Variants in GCDH observed in about 807,000 individuals in gnomAD.
GCDH encodes glutaryl-CoA dehydrogenase, also known as glutaryl-CoA dehydrogenase, mitochondrial.
A neutral mutation model predicts 52.8 loss-of-function variants in GCDH; 31 were observed. That is an observed-to-expected ratio of 0.59 (90% CI 0.44 to 0.79). The LOEUF is 0.79. GCDH is among the 30% of genes least tolerant of loss of function. GCDH has a pLI of 0.00. For missense variants in GCDH, 509 were observed against 595.0 expected, an observed-to-expected ratio of 0.86 and a Z score of 1.50; for synonymous variants, 242 against 250.0, an observed-to-expected ratio of 0.97 and a Z score of 0.30.
chr19:12,897,956 C>T (rs1390305081), intron 11 of GCDH, 93 bp downstream of exon 11: 10 of 1,050,668 alleles, frequency 9.5e-6, no homozygotes, highest in Middle Eastern at 2.4e-4. Flanking sequence ...AGTCCAACTC[C>T]ACCTATCACT....
intron 6 of GCDH, among the ~76,000 whole-genome samples, chr19:12,895,705 G>C (rs547871344): frequency 6.6e-6 from 1 of 151,500 alleles, no homozygotes; most frequent in African/African-American, 2.4e-5. Flanking sequence ...TCTCCTGCCC[G>C]GGTTCAAGCG....
At chr19:12,897,171 A>G (rs905869770) in intron 9 of GCDH, 132 bp from the exon 10 acceptor site, 1 of 1,305,332 alleles carries the variant, frequency 7.7e-7, no homozygotes, top group African/African-American at 1.5e-5. Flanking sequence ...GGCTGAGTCA[A>G]CGGCAGGGCC....
Position 12,899,698 on chromosome 19 carries a change from A to G in GCDH, c.*157A>G. On this transcript the variant is annotated 3_prime_UTR_variant, in exon 12 of 12. Coordinates refer to ENST00000222214, the MANE Select transcript of GCDH (RefSeq NM_000159.4). ...TTAAATATCAAAATTTCCCTTCTGA[A>G]GTCGTTCAGATGTGTTCCTTAAAAA... 6.2e-7 allele frequency: 1 copy of G among 1,612,534 alleles called. No individual in the cohort carries two copies. Among genetic ancestry groups the G allele is most frequent in the Non-Finnish European group, 8.5e-7 (1 of 1,179,412 alleles).
intron 9 of GCDH, 52 bp from the exon 10 acceptor site, chr19:12,897,251 G>T: frequency 6.2e-7 from 1 of 1,611,308 alleles, no homozygotes; most frequent in Non-Finnish European, 8.5e-7. Flanking sequence ...GGACAGGGAC[G>T]GGGTGGGAGA....
intron 5 of GCDH, 74 bp from the exon 6 acceptor site, chr19:12,893,409 G>C: frequency 7.5e-7 from 1 of 1,331,544 alleles, no homozygotes; most frequent in Non-Finnish European, 1.1e-6. Flanking sequence ...TCCTTATTCA[G>C]CCCTGTCTCT....
intron 11 of GCDH, chr19:12,899,188 TG>T: frequency 2.9e-6 from 2 of 690,582 alleles, no homozygotes; most frequent in South Asian, 3.6e-5. Flanking sequence ...TGCTACATTT[TG>T]GGAGTTCAGC....
In GCDH at chr19:12,899,507, T is replaced by C. The variant is rs1277384196; in HGVS notation, c.1283T>C (p.Ile428Thr). 6.2e-7 allele frequency: 1 copy of C among 1,614,242 alleles called. No individual in the cohort carries two copies. ...CACGCCCTGATCCTTGGGAGAGCTA[T>C]CACGGGAATCCAGGCGTTCACGGCC... ...DIHALILGRA[I>T]TGIQAFTASK The change falls in exon 12 of 12, where the codon ATC becomes ACC. Residue 428 changes from isoleucine (I) to threonine (T), a missense_variant. Coordinates refer to ENST00000222214, the MANE Select transcript of GCDH (RefSeq NM_000159.4).
At position 12,892,167 on chromosome 19, in the gene GCDH, C is replaced by A; in HGVS notation, c.323C>A (p.Pro108His). 6.2e-7 allele frequency: 1 copy of A among 1,613,946 alleles called. No individual in the cohort carries two copies. The highest frequency in any genetic ancestry group is 1.3e-5 in the African/African-American group (1 of 75,028). The change falls in exon 5 of 12, where the codon CCC becomes CAC. Residue 108 changes from proline (P) to histidine (H), a missense_variant. Pro to His is a moderately conservative substitution (Grantham distance 77). Coordinates refer to ENST00000222214, the MANE Select transcript of GCDH (RefSeq NM_000159.4). ...SEMGELGVLG[P>H]TIKGYGCAGV... ...ATGGGGGAGTTGGGTGTGCTGGGCC[C>A]CACCATCAAAGGTAGGAACAAGTAT... is the stretch of plus-strand genomic sequence containing the variant.
intron 3 of GCDH, 108 bp from the exon 4 acceptor site, chr19:12,891,723 C>T (rs936598138): frequency 1.9e-6 from 3 of 1,606,096 alleles, no homozygotes; most frequent in African/African-American, 1.3e-5. Flanking sequence ...TTGCAGCTCG[C>T]ACTAGCCGGG....
chr19:12,897,437 T>G lies in GCDH; in HGVS notation c.1082+9T>G. 1 of 1,609,712 alleles carries G rather than the reference T, an allele frequency of 6.2e-7. No individual in the cohort carries two copies. The highest frequency in any genetic ancestry group is 8.5e-7 in the Non-Finnish European group (1 of 1,177,160). ...TTGAAGGACCAGGACAAGTAGGGGC[T>G]GTGTGGTGGGGGCGGGGGGATGGCA... On this transcript the variant is annotated intron_variant, in intron 10 of 11. Coordinates refer to ENST00000222214, the MANE Select transcript of GCDH (RefSeq NM_000159.4).
Position 12,896,226 on chromosome 19 carries a change from C to T in GCDH, c.657C>T (p.Ala219=), listed in dbSNP as rs757621195. ...CCAGGATCACGAACTCGCCTATGGC[C>T]GATCTGTTTGTAGTGTGGGCTCGGT... The part of the protein sequence containing the change: ...TKTWITNSPM[A]DLFVVWARCE... Residue 219 remains alanine (A), a synonymous_variant, in exon 8 of 12, where the codon GCC becomes GCT. Transcript: ENST00000222214. This position sits in a 1 kb window ranked among gnomAD's most constrained non-coding sequence, Gnocchi z 5.5. The T allele has an allele frequency of 1.5e-5, 24 of 1,613,970 alleles. No homozygotes were observed. The highest frequency in any genetic ancestry group is 2.2e-5 in the East Asian group (1 of 44,882).
rs1375635890 is a variant in GCDH, at chr19:12,896,637, G to T, written c.852+216G>T. 6.6e-6 allele frequency among the ~76,000 whole-genome samples: 1 copy of T among 152,222 alleles called. No homozygotes were observed. Among genetic ancestry groups the T allele is most frequent in the South Asian group, 2.1e-4 (1 of 4,834 alleles). Reference sequence around the variant, plus strand: ...GCCCGGGACACATGGGCCTGAACCAGCTCAGTCATTTGACTCACAGTGCAT... The same window carrying T: ...GCCCGGGACACATGGGCCTGAACCATCTCAGTCATTTGACTCACAGTGCAT... On this transcript the variant is annotated intron_variant, in intron 8 of 11. Transcript: ENST00000222214. The surrounding 1 kb of genome is among the most constrained non-coding windows in gnomAD (Gnocchi z 5.5).
intron 10 of GCDH, 60 bp from the exon 11 acceptor site, chr19:12,897,643 G>C: frequency 6.2e-7 from 1 of 1,600,746 alleles, no homozygotes; most frequent in South Asian, 1.1e-5. Context: ...GGCTAGGTTT[G>C]CTTGGAGCAT....
At chr19:12,892,270 C>T (rs771306677) in intron 5 of GCDH, 92 bp downstream of exon 5, 2 of 1,097,878 alleles carry the variant, frequency 1.8e-6, no homozygotes, top group Non-Finnish European at 2.8e-6. Flanking sequence ...CCTTCCTTCT[C>T]TTTCTTTTCT....
intron 5 of GCDH, among the ~76,000 whole-genome samples, chr19:12,892,926 G>A (rs1970593729): frequency 6.9e-6 from 1 of 144,320 alleles, no homozygotes; most frequent in South Asian, 2.2e-4. Flanking sequence ...CACCCAGCCT[G>A]GATTACTGGA....
At chr19:12,895,930 T>A (rs1363466636) in intron 6 of GCDH, 62 bp from the exon 7 acceptor site, 1 of 1,605,982 alleles carries the variant, frequency 6.2e-7, no homozygotes, top group African/African-American at 1.3e-5. Flanking sequence ...ACGAGGATAA[T>A]TTTTGAGTAA....
At chr19:12,899,349 C>CA (rs771517320) in intron 11 of GCDH, 119 bp from the exon 12 acceptor site, 1 of 1,613,980 alleles carries the variant, frequency 6.2e-7, no homozygotes, top group East Asian at 2.2e-5. Context: ...TGTCAGCATT[C>CA]ACCATCTCTG....
chr19:12,891,514 T>C lies in GCDH; in HGVS notation c.119T>C (p.Leu40Pro), dbSNP rs1210569585. ...AAAGGCGGGAGAACACAGAGCCAAC[T>C]GGCTAAGTGTAAGGACCTCTGGTCG... ...TEKGGRTQSQ[L>P]AKSSRPEFDW... The change falls in exon 3 of 12, where the codon CTG (leucine) becomes CCG (proline). Residue 40 changes from leucine (L) to proline (P), a missense_variant. Coordinates refer to ENST00000222214, the MANE Select transcript of GCDH (RefSeq NM_000159.4). The C allele has an allele frequency of 6.2e-7, 1 of 1,614,216 alleles. No homozygotes were observed. Among genetic ancestry groups the C allele is most frequent in the Admixed American group, 1.7e-5 (1 of 60,026 alleles).
intron 6 of GCDH, chr19:12,894,329 G>T (rs1273936259): frequency 5.1e-6 from 4 of 782,816 alleles, no homozygotes; most frequent in African/African-American, 1.7e-5. Flanking sequence ...TTGAAACAGG[G>T]TGTCTTGACC....
Sources: allele counts gnomAD v4.1 joint callset (sites outside exome capture counted in the v4.1 genomes callset), GRCh38; gene constraint gnomAD v4.1.1; non-coding constraint Gnocchi (gnomAD v3.1); transcripts MANE v1.5; gene names NCBI Gene and HGNC (gene_info 2026-07-23, HGNC 2026-07-21).